CAMK1D: variants seen among roughly 807,000 people sequenced by gnomAD.
CAMK1D encodes calcium/calmodulin-dependent protein kinase type 1D.
In CAMK1D, 9 loss-of-function variants were observed where a neutral mutation model predicts 47.7. The observed-to-expected ratio is 0.19, with a 90% CI of 0.11 to 0.33. The LOEUF (loss-of-function observed/expected upper bound fraction) is 0.33, where lower values mean the gene tolerates loss of function less well. Among genes scored for constraint, CAMK1D ranks in the 10% least tolerant of loss-of-function variants. The pLI is 1.00. For missense variants in CAMK1D, 291 were observed against 488.7 expected, an observed-to-expected ratio of 0.60 and a Z score of 3.81; for synonymous variants, 184 against 184.9, an observed-to-expected ratio of 0.99 and a Z score of 0.04.
At chr10:12,800,670 C>T (rs1025062510) in intron 6 of CAMK1D, among the ~76,000 whole-genome samples, 1 of 152,196 alleles carries the variant, frequency 6.6e-6, no homozygotes, top group African/African-American at 2.4e-5. Flanking sequence ...CTTGGCCTAA[C>T]TGCATAAAAA....
At chr10:12,446,528 C>G (rs2132023465) in intron 1 of CAMK1D, among the ~76,000 whole-genome samples, 1 of 152,296 alleles carries the variant, frequency 6.6e-6, no homozygotes, top group Middle Eastern at 3.4e-3. Context: ...TGCCGACCTC[C>G]TGTCTCATCC....
chr10:12,739,982 GTA>G (rs1220325407), intron 3 of CAMK1D, among the ~76,000 whole-genome samples: 1 of 152,192 alleles, frequency 6.6e-6, no homozygotes, highest in Non-Finnish European at 1.5e-5. Flanking sequence ...TTGGACGATG[GTA>G]TTACTTATGC....
chr10:12,644,741 G>A (rs139211206), intron 2 of CAMK1D, among the ~76,000 whole-genome samples: 21 of 152,240 alleles, frequency 1.4e-4, no homozygotes, highest in African/African-American at 4.8e-4. Flanking sequence ...TGCAAGCTGT[G>A]ATTCCTATCT....
At chr10:12,588,864 A>ATGTGTGTG (rs374126074) in intron 2 of CAMK1D, among the ~76,000 whole-genome samples, 28 of 104,888 alleles carry the variant, frequency 2.7e-4, no homozygotes, top group Non-Finnish European at 4.3e-4. Context: ...GTATATGTAT[A>ATGTGTGTG]TATGTGTGTG....
intron 1 of CAMK1D, among the ~76,000 whole-genome samples, chr10:12,366,513 G>A (rs1003986326): frequency 2.0e-5 from 3 of 151,626 alleles, no homozygotes; most frequent in African/African-American, 7.3e-5. Flanking sequence ...AAAAAAATTA[G>A]CCAGGCCTGG....
chr10:12,749,559 TTTG>T (rs377712847), intron 3 of CAMK1D, among the ~76,000 whole-genome samples: 1 of 136,862 alleles, frequency 7.3e-6, no homozygotes, highest in African/African-American at 3.0e-5. Flanking sequence ...TTTTTGTTTG[TTTG>T]TTTGTTTGTT....
chr10:12,820,813 C>T (rs796607950), intron 8 of CAMK1D, among the ~76,000 whole-genome samples: 5 of 152,332 alleles, frequency 3.3e-5, no homozygotes, highest in African/African-American at 1.2e-4. Context: ...TTGCTGTTCT[C>T]TCTGTGGTGT....
intron 1 of CAMK1D, among the ~76,000 whole-genome samples, chr10:12,449,151 C>T (rs991379238): frequency 1.3e-4 from 19 of 151,970 alleles, no homozygotes; most frequent in East Asian, 5.8e-4. Flanking sequence ...TTACCTGGGC[C>T]GATGTTACAT....
chr10:12,553,488 A>T lies in CAMK1D; in HGVS notation c.224+132A>T. 6.0e-6 allele frequency: 4 copies of T among 669,052 alleles called. No homozygotes were observed. The South Asian group carries it at 7.1e-5, about 12-fold the overall frequency. The allele number at this position is 669,052 out of a possible 1,614,324, so 41.4% of individuals were successfully genotyped here. A position where few individuals can be genotyped will look rare whatever the true frequency, so the allele number is the denominator to read the frequency against. On this transcript the variant is annotated intron_variant, in intron 2 of 10. Transcript: ENST00000619168. Reference sequence around the variant, plus strand: ...AGAGGACCCAGGCTGTGCAAACGATAACCAACTTTCAAAGCACTTTTCCCA... The same window carrying T: ...AGAGGACCCAGGCTGTGCAAACGATTACCAACTTTCAAAGCACTTTTCCCA...
intron 1 of CAMK1D, among the ~76,000 whole-genome samples, chr10:12,370,381 T>A (rs1481412458): frequency 6.6e-6 from 1 of 152,196 alleles, no homozygotes; most frequent in East Asian, 1.9e-4. Flanking sequence ...CTTTTTATTG[T>A]TATTTTAGAG....
At chr10:12,352,025 G>A (rs2997066) in intron 1 of CAMK1D, among the ~76,000 whole-genome samples, 80,125 of 152,026 alleles carry the variant, frequency 0.53, 21,477 homozygotes, top group Non-Finnish European at 0.57. Context: ...ATTATTCTAC[G>A]TGCCTTATGT....
intron 1 of CAMK1D, among the ~76,000 whole-genome samples, chr10:12,518,068 A>G (rs1297639148): frequency 6.6e-6 from 1 of 152,182 alleles, no homozygotes; most frequent in Non-Finnish European, 1.5e-5. Context: ...TTTCTTTACT[A>G]GATACAGTAG....
intron 1 of CAMK1D, among the ~76,000 whole-genome samples, chr10:12,518,497 T>A (rs1165171780): frequency 9.6e-6 from 1 of 104,242 alleles, no homozygotes; most frequent in Non-Finnish European, 2.1e-5. Flanking sequence ...ATTTTTTATT[T>A]TTTTTTTTTA....
At chr10:12,635,736 G>A (rs1178530292) in intron 2 of CAMK1D, among the ~76,000 whole-genome samples, 2 of 152,142 alleles carry the variant, frequency 1.3e-5, no homozygotes, top group Non-Finnish European at 2.9e-5. Flanking sequence ...TCTGCAGTGC[G>A]AAAAGGGGGT....
At chr10:12,464,827 A>G (rs35962278) in intron 1 of CAMK1D, among the ~76,000 whole-genome samples, 1 of 142,114 alleles carries the variant, frequency 7.0e-6, no homozygotes. Context: ...AAAAAAAAAA[A>G]AAAAGAGTGA....
intron 2 of CAMK1D, among the ~76,000 whole-genome samples, chr10:12,645,056 C>T (rs893079869): frequency 1.2e-4 from 18 of 151,280 alleles, no homozygotes; most frequent in African/African-American, 4.4e-4. Context: ...TTCCCATTTA[C>T]TTCAGTTGTC....
intron 1 of CAMK1D, among the ~76,000 whole-genome samples, chr10:12,385,151 G>C (rs1294315380): frequency 1.3e-5 from 2 of 152,204 alleles, no homozygotes; most frequent in Non-Finnish European, 2.9e-5. Flanking sequence ...TAGGCTGCTG[G>C]TGTGGATGTA....
In CAMK1D at chr10:12,831,493, A is replaced by C. The variant is rs1307880261; in HGVS notation, c.*2606A>C. 2 of 152,214 alleles carry C rather than the reference A, an allele frequency of 1.3e-5. No homozygotes were observed. The highest frequency in any genetic ancestry group is 6.5e-5 in the Admixed American group (1 of 15,292). 9.4% of individuals were successfully genotyped at this position (152,214 alleles called of 1,614,324 possible). A position where few individuals can be genotyped will look rare whatever the true frequency, so the allele number is the denominator to read the frequency against. On this transcript the variant is annotated 3_prime_UTR_variant, in exon 11 of 11. Transcript: ENST00000619168. ...GAGTTCCATTACTGGTGATTGAAGT[A>C]TTTTCAGGAGCAGATACATGTGGTG... is the stretch of plus-strand genomic sequence containing the variant.
intron 1 of CAMK1D, among the ~76,000 whole-genome samples, chr10:12,451,046 A>G (rs1164448411): frequency 6.6e-6 from 1 of 151,996 alleles, no homozygotes. Flanking sequence ...TGGGCCGGGG[A>G]GTGAGGAGAA....
Sources: gnomAD v4.1 joint callset for allele counts (sites outside exome capture counted in the v4.1 genomes callset) on GRCh38, gnomAD v4.1.1 for gene constraint, MANE v1.5 for transcripts, NCBI Gene and HGNC (gene_info 2026-07-23, HGNC 2026-07-21) for gene names.